Variants in FAM91A1 observed in about 807,000 individuals in gnomAD.
FAM91A1 encodes protein FAM91A1.
In FAM91A1, 41 loss-of-function variants were observed where a neutral mutation model predicts 113.5. The ratio of observed to expected loss-of-function variants is 0.36; its 90% CI spans 0.28 to 0.47. FAM91A1 has a LOEUF of 0.47. Ranked by LOEUF, FAM91A1 falls within the 20% of genes least tolerant of loss-of-function variation. FAM91A1 has a pLI of 1.00. For synonymous variants in FAM91A1, 307 were observed against 347.9 expected (o/e 0.88, Z 1.31); for missense variants, 696 against 1,001.2 (o/e 0.70, Z 4.11).
intron 8 of FAM91A1, among the ~76,000 whole-genome samples, chr8:123,781,352 A>G (rs1200459206): frequency 6.6e-6 from 1 of 152,182 alleles, no homozygotes; most frequent in Non-Finnish European, 1.5e-5. Context: ...TTATTACAGA[A>G]ATACTTCTTT....
Position 123,806,151 on chromosome 8 carries a change from C to T in FAM91A1, c.1954C>T (p.Leu652Phe). The change falls in exon 20 of 24, where the codon CTC becomes TTC. Residue 652 changes from leucine to phenylalanine, a missense_variant. Transcript: ENST00000334705. ...AAGGAACAGAGTGGACTTACAGCAT[C>T]TCTGTGGATATGTCACCATGTTGAA... ...ILRNRVDLQH[L>F]CGYVTMLNAS... 2.5e-6 allele frequency: 4 copies of T among 1,613,502 alleles called. No homozygotes were observed. Among genetic ancestry groups the T allele is most frequent in the Non-Finnish European group, 3.4e-6 (4 of 1,179,620 alleles).
intron 8 of FAM91A1, among the ~76,000 whole-genome samples, chr8:123,783,353 ATAAT>A (rs67181219): frequency 0.2 from 30,341 of 152,008 alleles, 3,261 homozygotes; most frequent in East Asian, 0.31. Context: ...GTGTAGGGAA[ATAAT>A]TAATGTTGTC....
intron 18 of FAM91A1, among the ~76,000 whole-genome samples, chr8:123,801,430 T>G (rs1319681896): frequency 6.6e-6 from 1 of 152,192 alleles, no homozygotes; most frequent in South Asian, 2.1e-4. Context: ...GAAATGAAAA[T>G]GTACGTGTCA....
At chr8:123,788,008 G>A (rs1484957304) in intron 14 of FAM91A1, among the ~76,000 whole-genome samples, 2 of 152,108 alleles carry the variant, frequency 1.3e-5, no homozygotes, top group Non-Finnish European at 2.9e-5. Flanking sequence ...TGAAGAAATG[G>A]GGTATAGAAA....
At chr8:123,773,995 C>T (rs1023955544) in intron 1 of FAM91A1, 85 bp from the exon 2 acceptor site, 17 of 962,262 alleles carry the variant, frequency 1.8e-5, no homozygotes, top group African/African-American at 5.1e-5. Flanking sequence ...AAATGGGGGT[C>T]GTGGTTTTAA....
Position 123,814,216 on chromosome 8 carries a change from T to C in FAM91A1, c.*1512T>C. On this transcript the variant is annotated 3_prime_UTR_variant, in exon 24 of 24. Coordinates refer to ENST00000334705, the MANE Select transcript of FAM91A1 (RefSeq NM_144963.4). ...TTGTCTATAAAAGAAAAAATACTAA[T>C]ATTAAATAATTTCTTACGACTCTGA... The C allele has an allele frequency of 2.7e-6, 1 of 377,350 alleles. No homozygotes were observed. The highest frequency in any genetic ancestry group is 2.0e-5 in the South Asian group (1 of 48,922). 23.4% of individuals were successfully genotyped at this position (377,350 alleles called of 1,614,324 possible).
In FAM91A1 at chr8:123,787,767, T is replaced by A. The variant is rs369252943; in HGVS notation, c.1278+17T>A. 982 of 1,585,792 alleles carry A rather than the reference T, an allele frequency of 6.2e-4. No homozygotes were observed. Among genetic ancestry groups the A allele is most frequent in the Non-Finnish European group, 7.5e-4 (871 of 1,161,428 alleles). On this transcript the variant is annotated intron_variant, in intron 14 of 23. Coordinates refer to ENST00000334705, the MANE Select transcript of FAM91A1 (RefSeq NM_144963.4). ...CTAGAAAAGGTAAATGTAGATTGCA[T>A]GTAAGGGGATGTTAGGGCATTTGGA...
At chr8:123,784,736 A>G (rs2130081444) in intron 9 of FAM91A1, 160 bp downstream of exon 9, 1 of 456,310 alleles carries the variant, frequency 2.2e-6, no homozygotes, top group East Asian at 4.0e-5. Context: ...GTTCTTATAA[A>G]TGTATATTAA....
chr8:123,785,230 A>T (rs1186197031), intron 10 of FAM91A1, 111 bp downstream of exon 10: 1 of 938,736 alleles, frequency 1.1e-6, no homozygotes, highest in African/African-American at 1.7e-5. Context: ...GATTGTTGTT[A>T]GCTGTCTGAG....
intron 2 of FAM91A1, among the ~76,000 whole-genome samples, chr8:123,774,852 T>G (rs13280937): frequency 0.24 from 36,574 of 152,144 alleles, 5,283 homozygotes; most frequent in Non-Finnish European, 0.32. Flanking sequence ...TAGAATACAA[T>G]TCAATAAAGC....
chr8:123,780,014 T>C lies in FAM91A1; in HGVS notation c.579T>C (p.Val193=), dbSNP rs751369568. The C allele has an allele frequency of 6.2e-7, 1 of 1,613,524 alleles. No homozygotes were observed. The highest frequency in any genetic ancestry group is 1.3e-5 in the African/African-American group (1 of 74,916). ...GCACTTTGCCTGAGAAATGCGCTGTTGATAAGATCATCGATTCAGGCCCTC... is the reference window on the plus strand; with the variant it reads ...GCACTTTGCCTGAGAAATGCGCTGTCGATAAGATCATCGATTCAGGCCCTC... ...KICTLPEKCA[V]DKIIDSGPQL... The change falls in exon 7 of 24, where the codon GTT becomes GTC. Residue 193 remains valine, a synonymous_variant. Transcript: ENST00000334705.
chr8:123,808,440 A>G, intron 21 of FAM91A1, 64 bp downstream of exon 21: 1 of 1,335,428 alleles, frequency 7.5e-7, no homozygotes, highest in Non-Finnish European at 1.1e-6. Context: ...TTTTATGTTA[A>G]GGCATTTGCA....
chr8:123,812,574 C>T lies in FAM91A1; in HGVS notation c.2387C>T (p.Ser796Leu). 1 of 1,601,884 alleles carries T rather than the reference C, an allele frequency of 6.2e-7. No individual in the cohort carries two copies. Among genetic ancestry groups the T allele is most frequent in the Non-Finnish European group, 8.5e-7 (1 of 1,176,116 alleles). The change falls in exon 24 of 24, where the codon TCA becomes TTA. Residue 796 changes from serine to leucine, a missense_variant. Transcript: ENST00000334705. ...GAGCCCAGTTTTTCAAGTTTGCTTTCACAGTCATCGTGTGCTGACATGGGT... is the reference window on the plus strand; with the variant it reads ...GAGCCCAGTTTTTCAAGTTTGCTTTTACAGTCATCGTGTGCTGACATGGGT... The part of the protein sequence containing the change: ...HTEPSFSSLL[S>L]QSSCADMGVP...
At chr8:123,803,079 G>A (rs554748128) in intron 18 of FAM91A1, among the ~76,000 whole-genome samples, 1 of 152,286 alleles carries the variant, frequency 6.6e-6, no homozygotes, top group South Asian at 2.1e-4. Context: ...AGGCTGAGGT[G>A]AATTGCTTGA....
In FAM91A1 at chr8:123,768,497, G is replaced by A. The variant is rs369021625; in HGVS notation, c.-206G>A. The A allele has an allele frequency of 1.0e-5, 5 of 492,586 alleles. No homozygotes were observed. The highest frequency in any genetic ancestry group is 8.1e-5 in the Admixed American group (2 of 24,546). The allele number at this position is 492,586 out of a possible 1,614,324, so 30.5% of individuals were successfully genotyped here. On this transcript the variant is annotated 5_prime_UTR_variant, in exon 1 of 24. Transcript: ENST00000334705. Reference sequence around the variant, plus strand: ...AACTTGGAGCTGTTCAGGCGATCCAGCCTCCAATCGCTGCTGCTCTTGTAC... The same window carrying A: ...AACTTGGAGCTGTTCAGGCGATCCAACCTCCAATCGCTGCTGCTCTTGTAC...
In FAM91A1 at chr8:123,785,457, A is replaced by G. The variant is rs1483780881; in HGVS notation, c.850-172A>G. On this transcript the variant is annotated intron_variant, in intron 10 of 23. Transcript: ENST00000334705. Reference sequence around the variant, plus strand: ...CAGAGAGTTGGAAACATTCCCTCCTATACATTTATGAAGACTTCAAGGGAG... The same window carrying G: ...CAGAGAGTTGGAAACATTCCCTCCTGTACATTTATGAAGACTTCAAGGGAG... 4.6e-5 allele frequency among the ~76,000 whole-genome samples: 7 copies of G among 152,358 alleles called. No homozygotes were observed. In the East Asian group the frequency reaches 7.7e-4, roughly 17 times the overall value.
intron 9 of FAM91A1, 42 bp downstream of exon 9, chr8:123,784,618 G>T (rs1043559493): frequency 2.1e-6 from 3 of 1,415,806 alleles, no homozygotes; most frequent in African/African-American, 1.4e-5. Context: ...TCTCAAGATT[G>T]TAAGTTTGTG....
chr8:123,786,673 ACT>A, intron 12 of FAM91A1, 63 bp downstream of exon 12: 5 of 1,167,618 alleles, frequency 4.3e-6, no homozygotes, highest in Non-Finnish European at 6.4e-6. Context: ...CCAAACATAC[ACT>A]CTTACAGTTA....
At position 123,778,749 on chromosome 8, in the gene FAM91A1, T is replaced by C. The variant is rs1815048707; in HGVS notation, c.526T>C (p.Tyr176His). The change falls in exon 6 of 24, where the codon TAT (tyrosine) becomes CAT (histidine). Residue 176 changes from tyrosine to histidine, a missense_variant. Tyr to His is a moderately conservative substitution (Grantham distance 83). Coordinates refer to ENST00000334705, the MANE Select transcript of FAM91A1 (RefSeq NM_144963.4). ...GGCGTGGTGGGTGGTGCAGGCTGGCTATATCACAGAAGATGACATCAAGGT... is the reference window on the plus strand; with the variant it reads ...GGCGTGGTGGGTGGTGCAGGCTGGCCATATCACAGAAGATGACATCAAGGT... ...IEAWWVVQAGYITEDDIKICT... is the reference protein window; with the variant it reads ...IEAWWVVQAGHITEDDIKICT... The C allele has an allele frequency of 6.3e-7, 1 of 1,578,976 alleles. No homozygotes were observed. The highest frequency in any genetic ancestry group is 1.2e-5 in the South Asian group (1 of 85,422).
Sources: allele counts gnomAD v4.1 joint callset (sites outside exome capture counted in the v4.1 genomes callset), GRCh38; gene constraint gnomAD v4.1.1; transcripts MANE v1.5; gene names NCBI Gene and HGNC (gene_info 2026-07-23, HGNC 2026-07-21).